Variants in GPATCH1 observed in about 807,000 individuals in gnomAD.
The protein encoded by GPATCH1 is G-patch domain containing 1.
A neutral mutation model predicts 114.9 loss-of-function variants in GPATCH1; 73 were observed. The ratio of observed to expected loss-of-function variants is 0.64; its 90% CI spans 0.53 to 0.77. The LOEUF is 0.77. Among genes scored for constraint, GPATCH1 ranks in the 30% least tolerant of loss-of-function variants. GPATCH1 has a pLI of 0.00. For synonymous variants in GPATCH1, 391 were observed against 428.4 expected, an observed-to-expected ratio of 0.91 and a Z score of 1.08; for missense variants, 1,058 against 1,144.3, an observed-to-expected ratio of 0.92 and a Z score of 1.09.
intron 18 of GPATCH1, among the ~76,000 whole-genome samples, chr19:33,125,459 G>A (rs1296292851): frequency 2.0e-5 from 3 of 150,774 alleles, no homozygotes; most frequent in Non-Finnish European, 4.4e-5. Context: ...ATGGAGTTCA[G>A]CTGCAACCTC....
chr19:33,128,403 G>A (rs1973066840), intron 19 of GPATCH1, among the ~76,000 whole-genome samples: 1 of 152,200 alleles, frequency 6.6e-6, no homozygotes, highest in South Asian at 2.1e-4. Flanking sequence ...TGGGACTACA[G>A]GTACCCGCCA....
chr19:33,111,548 A>G (rs978774451), intron 11 of GPATCH1, among the ~76,000 whole-genome samples, 176 bp from the exon 12 acceptor site: 2 of 152,020 alleles, frequency 1.3e-5, no homozygotes, highest in Admixed American at 1.3e-4. Flanking sequence ...AAAAAGCACA[A>G]TTTTGAAGGA....
At chr19:33,119,145 A>T (rs963027505) in intron 17 of GPATCH1, 28 bp downstream of exon 17, 2 of 1,341,448 alleles carry the variant, frequency 1.5e-6, no homozygotes, top group African/African-American at 2.9e-5. Flanking sequence ...TGGTTCGCCC[A>T]TTTTTATCAG....
At chr19:33,111,975 C>CT (rs962960295) in intron 12 of GPATCH1, 73 bp downstream of exon 12, 944 of 1,226,440 alleles carry the variant, frequency 7.7e-4, no homozygotes, top group Non-Finnish European at 1.0e-3. Flanking sequence ...TAGTTTTTTC[C>CT]TTTTTTTTGA....
At chr19:33,088,857 A>G (rs576883455) in intron 2 of GPATCH1, among the ~76,000 whole-genome samples, 4 of 151,834 alleles carry the variant, frequency 2.6e-5, no homozygotes, top group South Asian at 2.1e-4. Context: ...GGGTTTCACT[A>G]TGTTGGCCAG....
chr19:33,107,784 A>G (rs764311119), intron 10 of GPATCH1, among the ~76,000 whole-genome samples: 1 of 151,858 alleles, frequency 6.6e-6, no homozygotes, highest in Non-Finnish European at 1.5e-5. Flanking sequence ...AAGTGGTGCC[A>G]CCATGATCCA....
At chr19:33,120,275 T>TATATAAA (rs1050625608) in intron 17 of GPATCH1, among the ~76,000 whole-genome samples, 5 of 140,508 alleles carry the variant, frequency 3.6e-5, no homozygotes, top group Admixed American at 1.5e-4. Flanking sequence ...ATATAACAAT[T>TATATAAA]ATATATAAAA....
intron 9 of GPATCH1, among the ~76,000 whole-genome samples, chr19:33,102,447 A>G (rs1972738082): frequency 2.8e-5 from 4 of 140,892 alleles, no homozygotes; most frequent in South Asian, 2.3e-4. Flanking sequence ...CCCAGGCTGC[A>G]GTGTAGTGAT....
intron 1 of GPATCH1, among the ~76,000 whole-genome samples, chr19:33,084,367 G>A (rs1411245407): frequency 2.6e-5 from 4 of 152,104 alleles, no homozygotes; most frequent in African/African-American, 9.7e-5. Flanking sequence ...AAAGAAGGGG[G>A]CCAGATACTT....
intron 10 of GPATCH1, among the ~76,000 whole-genome samples, chr19:33,109,055 A>G (rs12460367): frequency 0.16 from 24,825 of 151,992 alleles, 2,473 homozygotes; most frequent in South Asian, 0.35. Flanking sequence ...CCCGTCTACA[A>G]AAAATACAAA....
At chr19:33,116,690 T>A (rs945192342) in intron 15 of GPATCH1, among the ~76,000 whole-genome samples, 1 of 152,066 alleles carries the variant, frequency 6.6e-6, no homozygotes, top group Admixed American at 6.6e-5. Context: ...CCACCACGCC[T>A]GGCTAATTTT....
At chr19:33,105,411 CAA>C (rs922660129) in intron 9 of GPATCH1, among the ~76,000 whole-genome samples, 11 of 58,522 alleles carry the variant, frequency 1.9e-4, no homozygotes, top group Admixed American at 5.5e-4. Flanking sequence ...GACTCTGTCT[CAA>C]AAAAAAAAAA....
Position 33,119,095 on chromosome 19 carries a change from G to T in GPATCH1, c.2499G>T (p.Arg833=), listed in dbSNP as rs373451189. ...ATGAAAGAGAAGAGTTCGGCCCGCG[G>T]CTGCCTCCCGTCTTCTGCCCCAGTG... ...QIDEREEFGP[R]LPPVFCPNAR... The change falls in exon 17 of 20, where the codon CGG becomes CGT. Residue 833 remains arginine, a synonymous_variant. Transcript: ENST00000170564. 6.2e-7 allele frequency: 1 copy of T among 1,609,338 alleles called. No individual in the cohort carries two copies. Among genetic ancestry groups the T allele is most frequent in the Non-Finnish European group, 8.5e-7 (1 of 1,177,164 alleles).
intron 8 of GPATCH1, among the ~76,000 whole-genome samples, chr19:33,100,964 G>A (rs529170579): frequency 3.7e-4 from 56 of 152,134 alleles, no homozygotes; most frequent in African/African-American, 1.3e-3. Context: ...TGGTCATTCA[G>A]TTTCCTATGT....
chr19:33,096,049 C>T (rs1018666511), intron 6 of GPATCH1, among the ~76,000 whole-genome samples, 158 bp from the exon 7 acceptor site: 2 of 152,196 alleles, frequency 1.3e-5, no homozygotes, highest in Non-Finnish European at 2.9e-5. Context: ...TGTTAGCATC[C>T]TTTGTGCCAG....
At position 33,114,246 on chromosome 19, in the gene GPATCH1, C is replaced by T; in HGVS notation, c.2030-7C>T. On this transcript the variant is annotated splice_region_variant and splice_polypyrimidine_tract_variant and intron_variant, in intron 14 of 19. Transcript: ENST00000170564. The stretch of plus-strand genomic sequence containing the variant: ...GCTGGAGTTTATATCTATGTCCTGC[C>T]TTTCAGAATCAAGAAAACCATCCAG... The T allele has an allele frequency of 6.2e-7, 1 of 1,605,692 alleles. No homozygotes were observed. Among genetic ancestry groups the T allele is most frequent in the Non-Finnish European group, 8.5e-7 (1 of 1,175,842 alleles).
intron 1 of GPATCH1, among the ~76,000 whole-genome samples, chr19:33,087,470 G>T (rs1972544846): frequency 6.6e-6 from 1 of 152,024 alleles, no homozygotes; most frequent in African/African-American, 2.4e-5. Flanking sequence ...GAACACTGTG[G>T]AATCAGGAGA....
At chr19:33,107,760 CT>C (rs1972801784) in intron 10 of GPATCH1, among the ~76,000 whole-genome samples, 1 of 151,966 alleles carries the variant, frequency 6.6e-6, no homozygotes, top group Admixed American at 6.6e-5. Flanking sequence ...TCATCTAAGT[CT>C]TCTCATCTCA....
intron 11 of GPATCH1, 85 bp downstream of exon 11, chr19:33,110,101 T>C (rs1224978539): frequency 8.6e-7 from 1 of 1,167,392 alleles, no homozygotes; most frequent in Admixed American, 2.4e-5. Context: ...ATATTTACAG[T>C]TGAGGTATCC....
Sources: allele counts gnomAD v4.1 joint callset (sites outside exome capture counted in the v4.1 genomes callset), GRCh38; gene constraint gnomAD v4.1.1; transcripts MANE v1.5; gene names NCBI Gene and HGNC (gene_info 2026-07-23, HGNC 2026-07-21).